The following PRMT3 variants were observed in gnomAD, a reference collection of about 807,000 sequenced individuals.
PRMT3 encodes protein arginine N-methyltransferase 3.
A neutral mutation model predicts 71.9 loss-of-function variants in PRMT3; 62 were observed. The ratio of observed to expected loss-of-function variants is 0.86; its 90% CI spans 0.70 to 1.07. The LOEUF (loss-of-function observed/expected upper bound fraction) is 1.07, where lower values mean the gene tolerates loss of function less well. PRMT3 is among the 50% of genes least tolerant of loss of function. The pLI is 0.00. For synonymous variants in PRMT3, 213 were observed against 220.4 expected, an observed-to-expected ratio of 0.97 and a Z score of 0.30; for missense variants, 663 against 643.0, an observed-to-expected ratio of 1.03 and a Z score of -0.34.
intron 9 of PRMT3, among the ~76,000 whole-genome samples, chr11:20,419,823 C>T (rs578058566): frequency 2.0e-5 from 3 of 152,170 alleles, no homozygotes; most frequent in East Asian, 1.9e-4. Flanking sequence ...GCAGTAGAAC[C>T]GAAAATCACA....
At chr11:20,419,929 T>A (rs1281881216) in intron 9 of PRMT3, among the ~76,000 whole-genome samples, 1 of 152,192 alleles carries the variant, frequency 6.6e-6, no homozygotes, top group African/African-American at 2.4e-5. Flanking sequence ...TCCAATACTT[T>A]GGGAGGTCAA....
Position 20,489,317 on chromosome 11 carries a change from T to G in PRMT3, c.1348-4602T>G, listed in dbSNP as rs114768342. On this transcript the variant is annotated intron_variant, in intron 13 of 15. Transcript: ENST00000331079. ...CTACAGATAGATTTTAATGCTTTTTTCCCCCTCAGCAGTTCTCATTGCCCC... is the reference window on the plus strand; with the variant it reads ...CTACAGATAGATTTTAATGCTTTTTGCCCCCTCAGCAGTTCTCATTGCCCC... 8.2e-3 allele frequency among the ~76,000 whole-genome samples: 1,253 copies of G among 152,348 alleles called. 20 individuals are homozygous for G. The highest frequency in any genetic ancestry group is 0.029 in the African/African-American group (1,190 of 41,588).
intron 15 of PRMT3, among the ~76,000 whole-genome samples, chr11:20,505,653 T>C (rs556038602): frequency 7.2e-5 from 11 of 152,318 alleles, no homozygotes; most frequent in Admixed American, 2.6e-4. Flanking sequence ...TTTTTAAATG[T>C]TGATTTAAAA....
intron 10 of PRMT3, 21 bp downstream of exon 10, chr11:20,426,886 C>A: frequency 2.0e-6 from 3 of 1,509,742 alleles, no homozygotes; most frequent in South Asian, 1.4e-5. Context: ...ATAGAAAAAA[C>A]TACTTTCACT....
At chr11:20,446,057 G>A (rs1269048888) in intron 10 of PRMT3, among the ~76,000 whole-genome samples, 2 of 152,094 alleles carry the variant, frequency 1.3e-5, no homozygotes, top group African/African-American at 4.8e-5. Flanking sequence ...GTACGTGTGT[G>A]CTCTTACACT....
At chr11:20,471,480 TTTGC>T (rs1232622703) in intron 13 of PRMT3, among the ~76,000 whole-genome samples, 5 of 152,104 alleles carry the variant, frequency 3.3e-5, no homozygotes, top group Admixed American at 6.6e-5. Context: ...TCCTTTCCCC[TTTGC>T]TTGTTTTTGT....
intron 4 of PRMT3, 93 bp from the exon 5 acceptor site, chr11:20,392,804 T>C: frequency 1.2e-6 from 1 of 825,462 alleles, no homozygotes; most frequent in South Asian, 1.7e-5. Context: ...AATGCAAACA[T>C]GATTTCCTTT....
At chr11:20,449,519 C>T (rs934583315) in intron 10 of PRMT3, among the ~76,000 whole-genome samples, 6 of 152,128 alleles carry the variant, frequency 3.9e-5, no homozygotes, top group African/African-American at 1.4e-4. Flanking sequence ...GTCTCATTCA[C>T]TCCCCATTTA....
In PRMT3 at chr11:20,462,150, G is replaced by C. The variant is rs551794312; in HGVS notation, c.1243G>C (p.Glu415Gln). 4 of 1,606,796 alleles carry C rather than the reference G, an allele frequency of 2.5e-6. No individual in the cohort carries two copies. Among genetic ancestry groups the C allele is most frequent in the African/African-American group, 2.7e-5 (2 of 74,954 alleles). Residue 415 changes from glutamate (E) to glutamine (Q), a missense_variant, in exon 12 of 16, where the codon GAA (glutamate) becomes CAA (glutamine). Coordinates refer to ENST00000331079, the MANE Select transcript of PRMT3 (RefSeq NM_005788.4). ...TTTAGATCCGAAGACTCTTATTTCA[G>C]AACCTTGTGGTATTAAGGTAGGTGT... ...EVLDPKTLIS[E>Q]PCGIKHIDCH...
chr11:20,493,792 A>G (rs939095410), intron 13 of PRMT3, 127 bp from the exon 14 acceptor site: 2 of 638,222 alleles, frequency 3.1e-6, no homozygotes, highest in Non-Finnish European at 5.3e-6. Flanking sequence ...CAGGAAAAAT[A>G]TTGAGTTTAA....
intron 10 of PRMT3, among the ~76,000 whole-genome samples, chr11:20,438,755 A>G (rs562086219): frequency 1.3e-4 from 20 of 152,088 alleles, no homozygotes; most frequent in Admixed American, 4.6e-4. Context: ...CAGCTTACCA[A>G]ATGGGGTCGT....
intron 9 of PRMT3, among the ~76,000 whole-genome samples, chr11:20,419,376 A>C (rs1182447211): frequency 6.6e-6 from 1 of 152,192 alleles, no homozygotes; most frequent in Non-Finnish European, 1.5e-5. Context: ...ATTCATAGGC[A>C]ATCTATGTGT....
chr11:20,481,326 T>C (rs1459367811), intron 13 of PRMT3, among the ~76,000 whole-genome samples: 2 of 152,048 alleles, frequency 1.3e-5, no homozygotes, highest in Admixed American at 1.3e-4. Context: ...GCCCTCCTTT[T>C]TAATTGTGAA....
At chr11:20,404,239 T>G (rs1461366506) in intron 8 of PRMT3, among the ~76,000 whole-genome samples, 31 of 118,870 alleles carry the variant, frequency 2.6e-4, no homozygotes, top group African/African-American at 6.6e-4. Context: ...TTTTTTTTTT[T>G]TTTTTTTTTT....
rs189273005 is a variant in PRMT3 at position 20,440,417 on chromosome 11, G to A, written c.994-11713G>A. Among the ~76,000 whole-genome samples the A allele has an allele frequency of 4.6e-3, 696 of 151,372 alleles. 7 individuals carry two copies. Among genetic ancestry groups the A allele is most frequent in the African/African-American group, 0.016 (666 of 41,258 alleles). ...TCCCAGCACTTTGGGAGGCCAAGGC[G>A]GGCGAATCACGAGGTCAGGAGATTG... On this transcript the variant is annotated intron_variant, in intron 10 of 15. Transcript: ENST00000331079.
At chr11:20,461,183 CT>C (rs1467429340) in intron 11 of PRMT3, among the ~76,000 whole-genome samples, 4 of 152,180 alleles carry the variant, frequency 2.6e-5, no homozygotes, top group Non-Finnish European at 2.9e-5. Flanking sequence ...GCCATCCCAT[CT>C]ATTGTGACCC....
intron 9 of PRMT3, among the ~76,000 whole-genome samples, chr11:20,419,538 G>GT (rs1849380480): frequency 6.6e-6 from 1 of 152,188 alleles, no homozygotes. Context: ...GCCACTGTTT[G>GT]TGAGTTGAGT....
In PRMT3 at chr11:20,387,736, G is replaced by A. The variant is rs1288998995; in HGVS notation, c.-11G>A. The A allele has an allele frequency of 6.5e-7, 1 of 1,534,754 alleles. No individual in the cohort carries two copies. Among genetic ancestry groups the A allele is most frequent in the South Asian group, 1.2e-5 (1 of 83,580 alleles). ...CCCCCAGACACGCCGGGCTCTCGGG[G>A]CACCACAGCCATGTGCTCGTTAGCG... On this transcript the variant is annotated 5_prime_UTR_variant, in exon 1 of 16. Coordinates refer to ENST00000331079, the MANE Select transcript of PRMT3 (RefSeq NM_005788.4). This position sits in a 1 kb window ranked among gnomAD's most constrained non-coding sequence, Gnocchi z 4.3.
intron 9 of PRMT3, among the ~76,000 whole-genome samples, chr11:20,423,070 T>C (rs534389858): frequency 6.6e-4 from 101 of 152,318 alleles, no homozygotes; most frequent in African/African-American, 2.2e-3. Flanking sequence ...ATTTTAAAAA[T>C]TATTTGTAAA....
Sources: gnomAD v4.1 joint callset for allele counts (sites outside exome capture counted in the v4.1 genomes callset) on GRCh38, gnomAD v4.1.1 for gene constraint, Gnocchi (gnomAD v3.1) non-coding constraint, MANE v1.5 for transcripts, NCBI Gene and HGNC (gene_info 2026-07-23, HGNC 2026-07-21) for gene names.